DLC1: variants seen among roughly 807,000 people sequenced by gnomAD.
DLC1 encodes rho GTPase-activating protein 7.
In DLC1, 54 loss-of-function variants were observed where a neutral mutation model predicts 140.3. That is an observed-to-expected ratio of 0.38 (90% CI 0.31 to 0.48). The LOEUF is 0.48. DLC1 is among the 20% of genes least tolerant of loss of function. The pLI, the probability that DLC1 is intolerant of heterozygous loss-of-function variation, is 0.96. For synonymous variants in DLC1, 986 were observed against 728.1 expected (o/e 1.35, Z -5.70); for missense variants, 2,536 against 1,907.0 (o/e 1.33, Z -6.14).
intron 5 of DLC1, among the ~76,000 whole-genome samples, chr8:13,184,230 C>T (rs111762928): frequency 6.6e-6 from 1 of 152,162 alleles, no homozygotes; most frequent in African/African-American, 2.4e-5. Context: ...GTCTTGCTAG[C>T]TGTCTATCAA....
rs1304816754 is a variant in DLC1, at chr8:13,263,073, C to A, written c.1348+42196G>T. ...TGATTTTGGCAAATTAATGCTTCCTCCACTTGATAATTTATCCAATATTTG... is the reference window on the plus strand; with the variant it reads ...TGATTTTGGCAAATTAATGCTTCCTACACTTGATAATTTATCCAATATTTG... On this transcript the variant is annotated intron_variant, in intron 5 of 17. Transcript: ENST00000276297. Among the ~76,000 whole-genome samples the A allele has an allele frequency of 2.6e-5, 4 of 152,082 alleles. No homozygotes were observed. The South Asian group carries it at 6.2e-4, about 24-fold the overall frequency.
At chr8:13,268,415 C>T (rs1397918034) in intron 5 of DLC1, among the ~76,000 whole-genome samples, 1 of 152,036 alleles carries the variant, frequency 6.6e-6, no homozygotes, top group Non-Finnish European at 1.5e-5. Context: ...CCCAGGTTCA[C>T]GCCATTCTCC....
At chr8:13,547,635 A>G (rs1279847442) in intron 1 of DLC1, among the ~76,000 whole-genome samples, 2 of 152,086 alleles carry the variant, frequency 1.3e-5, no homozygotes, top group Non-Finnish European at 2.9e-5. Flanking sequence ...CAGTTTATGC[A>G]TTAAGAAGGC....
chr8:13,529,109 A>T (rs565650314), intron 1 of DLC1, among the ~76,000 whole-genome samples: 1 of 152,236 alleles, frequency 6.6e-6, no homozygotes, highest in African/African-American at 2.4e-5. Context: ...AGCGAACAGA[A>T]TAAGTGAATT....
intron 2 of DLC1, among the ~76,000 whole-genome samples, chr8:13,489,342 C>A (rs1209955005): frequency 7.7e-6 from 1 of 130,672 alleles, no homozygotes; most frequent in Admixed American, 8.0e-5. Context: ...GTCCCCGCCC[C>A]CGGCCCCGAG....
At chr8:13,355,847 G>T (rs1285321371) in intron 4 of DLC1, among the ~76,000 whole-genome samples, 6 of 151,836 alleles carry the variant, frequency 4.0e-5, no homozygotes, top group Non-Finnish European at 7.4e-5. Flanking sequence ...CACTTTGGGA[G>T]GCTAAGGTGG....
chr8:13,282,038 G>C lies in DLC1; in HGVS notation c.1348+23231C>G, dbSNP rs556012569. ...TGGTTGAGATTCGAGGGTGGGAGAA[G>C]TGGATATCAGAATTACATAGGGTGG... On this transcript the variant is annotated intron_variant, in intron 5 of 17. Coordinates refer to ENST00000276297, the MANE Select transcript of DLC1 (RefSeq NM_182643.3). Among the ~76,000 whole-genome samples, 22 of 152,302 alleles carry C rather than the reference G, an allele frequency of 1.4e-4. No individual in the cohort carries two copies. The South Asian group carries it at 4.4e-3, about 30-fold the overall frequency.
chr8:13,158,883 C>A (rs1165495117), intron 5 of DLC1, among the ~76,000 whole-genome samples: 1 of 152,048 alleles, frequency 6.6e-6, no homozygotes, highest in African/African-American at 2.4e-5. Flanking sequence ...CCCTGGTACA[C>A]CCAACAGACA....
chr8:13,169,961 G>A (rs186097849), intron 5 of DLC1, among the ~76,000 whole-genome samples: 9 of 151,978 alleles, frequency 5.9e-5, no homozygotes, highest in East Asian at 3.9e-4. Flanking sequence ...TCAAGGTGGC[G>A]GTGAGCTGTG....
At chr8:13,597,469 C>G (rs991519465) in intron 1 of DLC1, among the ~76,000 whole-genome samples, 1 of 152,002 alleles carries the variant, frequency 6.6e-6, no homozygotes, top group African/African-American at 2.4e-5. Flanking sequence ...AATACCATCT[C>G]GTTTCCTGAG....
upstream of DLC1, among the ~76,000 whole-genome samples, chr8:13,519,027 A>G (rs1802682262): frequency 6.6e-6 from 1 of 152,104 alleles, no homozygotes; most frequent in Admixed American, 6.5e-5. Flanking sequence ...GTTCTAGGGT[A>G]CATGTGCACA....
chr8:13,482,159 T>C lies in DLC1; in HGVS notation c.1023+16890A>G, dbSNP rs139900055. Among the ~76,000 whole-genome samples, 47 of 152,260 alleles carry C rather than the reference T, an allele frequency of 3.1e-4. No individual in the cohort carries two copies. In the East Asian group the frequency reaches 8.3e-3, roughly 27 times the overall value. The stretch of plus-strand genomic sequence containing the variant: ...CAGCCCAAGAAAATGAATACAGCAG[T>C]CAAAGAATATTTGTTAAATGAACAA... On this transcript the variant is annotated intron_variant, in intron 2 of 17. Coordinates refer to ENST00000276297, the MANE Select transcript of DLC1 (RefSeq NM_182643.3).
Position 13,188,821 on chromosome 8 carries a change from ATATATG to A in DLC1, c.1349-73170_1349-73165del, listed in dbSNP as rs1255663364. 2.6e-3 allele frequency among the ~76,000 whole-genome samples: 108 copies of A among 41,364 alleles called. 1 individual carries two copies. Among genetic ancestry groups the A allele is most frequent in the African/African-American group, 8.7e-3 (101 of 11,604 alleles). The allele number at this position is 41,364 out of a possible 152,430, so 27.1% of individuals were successfully genotyped here. A position where few individuals can be genotyped will look rare whatever the true frequency, so the allele number is the denominator to read the frequency against. On this transcript the variant is annotated intron_variant, in intron 5 of 17. Coordinates refer to ENST00000276297, the MANE Select transcript of DLC1 (RefSeq NM_182643.3). ...TGTGTGTATATATATATATATATAT[ATATATG>A]TATATATATATATATATTTTTTTTT...
At chr8:13,258,709 T>C (rs889769605) in intron 5 of DLC1, among the ~76,000 whole-genome samples, 1 of 152,214 alleles carries the variant, frequency 6.6e-6, no homozygotes, top group Non-Finnish European at 1.5e-5. Flanking sequence ...ACATAGTATG[T>C]CCTACATGAA....
chr8:13,459,911 T>G (rs59715705), intron 2 of DLC1, among the ~76,000 whole-genome samples: 9,701 of 152,228 alleles, frequency 0.064, 706 homozygotes, highest in African/African-American at 0.18. Context: ...TGACACGCCC[T>G]CATCTCGCCC....
In DLC1 at chr8:13,195,137, A is replaced by T. The variant is rs539842948; in HGVS notation, c.1349-79480T>A. The stretch of plus-strand genomic sequence containing the variant: ...TGGCTATTTCTCATTTATTTGGCCC[A>T]AACCAATACTATATGATATTCCTTC... On this transcript the variant is annotated intron_variant, in intron 5 of 17. Transcript: ENST00000276297. 1.2e-4 allele frequency among the ~76,000 whole-genome samples: 18 copies of T among 152,324 alleles called. No individual in the cohort carries two copies. The South Asian group carries it at 3.5e-3, about 30-fold the overall frequency.
intron 5 of DLC1, chr8:13,304,917 A>T (rs926296136): frequency 2.0e-6 from 2 of 1,002,886 alleles, no homozygotes; most frequent in African/African-American, 3.5e-5. Context: ...CTAAGTCATT[A>T]AGAGTAAAAA....
Position 13,431,339 on chromosome 8 carries a change from C to T in DLC1, c.1024-29720G>A, listed in dbSNP as rs142224290. ...TCTACTCAAAATAGAAAAAATTAGCCGGGCGAGGTGACGGGTGCCTGTAGT... is the reference window on the plus strand; with the variant it reads ...TCTACTCAAAATAGAAAAAATTAGCTGGGCGAGGTGACGGGTGCCTGTAGT... On this transcript the variant is annotated intron_variant, in intron 2 of 17. Transcript: ENST00000276297. Among the ~76,000 whole-genome samples the T allele has an allele frequency of 3.3e-3, 497 of 151,606 alleles. 2 individuals are homozygous for T. The highest frequency in any genetic ancestry group is 0.011 in the African/African-American group (459 of 41,296).
At chr8:13,368,358 C>G (rs193191792) in intron 4 of DLC1, among the ~76,000 whole-genome samples, 38 of 152,144 alleles carry the variant, frequency 2.5e-4, no homozygotes, top group Admixed American at 2.1e-3. Flanking sequence ...ACTTGGCATC[C>G]TCTTCATAGT....
Sources: allele counts gnomAD v4.1 joint callset (sites outside exome capture counted in the v4.1 genomes callset), GRCh38; gene constraint gnomAD v4.1.1; transcripts MANE v1.5; gene names NCBI Gene and HGNC (gene_info 2026-07-23, HGNC 2026-07-21).